UBR2: variants seen among roughly 807,000 people sequenced by gnomAD.
UBR2 encodes the protein ubiquitin protein ligase E3 component n-recognin 2, also known as E3 ubiquitin-protein ligase UBR2.
Under a neutral mutation model 247.9 loss-of-function variants are expected in UBR2, and 92 were observed. The ratio of observed to expected loss-of-function variants is 0.37; its 90% CI spans 0.31 to 0.44. The LOEUF (loss-of-function observed/expected upper bound fraction) is 0.44, where lower values mean the gene tolerates loss of function less well. Ranked by LOEUF, UBR2 falls within the 20% of genes least tolerant of loss-of-function variation. UBR2 has a pLI of 1.00. For missense variants in UBR2, 1,613 were observed against 2,112.6 expected (o/e 0.76, Z 4.64); for synonymous variants, 672 against 693.5 (o/e 0.97, Z 0.49).
At chr6:42,679,232 ACT>A (rs1230839815) in intron 41 of UBR2, among the ~76,000 whole-genome samples, 2 of 152,132 alleles carry the variant, frequency 1.3e-5, no homozygotes, top group African/African-American at 4.8e-5. Context: ...ATGCAGTGCT[ACT>A]CTCTGAAAGT....
intron 2 of UBR2, among the ~76,000 whole-genome samples, chr6:42,584,697 C>T (rs185218509): frequency 6.6e-6 from 1 of 152,166 alleles, no homozygotes; most frequent in Non-Finnish European, 1.5e-5. Flanking sequence ...TTCCTTTTAG[C>T]AAAGTCTTAT....
chr6:42,622,090 A>G (rs139323620), intron 11 of UBR2, among the ~76,000 whole-genome samples: 3,554 of 152,128 alleles, frequency 0.023, 125 homozygotes, highest in African/African-American at 0.08. Flanking sequence ...ATCTTGGCTC[A>G]CTGCAACCTC....
intron 1 of UBR2, among the ~76,000 whole-genome samples, chr6:42,569,404 G>T (rs1377083550): frequency 6.6e-6 from 1 of 152,102 alleles, no homozygotes; most frequent in Non-Finnish European, 1.5e-5. Context: ...TTTCCCTCAT[G>T]AGTCATGTTG....
At chr6:42,619,034 T>C (rs1794731111) in intron 11 of UBR2, among the ~76,000 whole-genome samples, 2 of 152,300 alleles carry the variant, frequency 1.3e-5, no homozygotes, top group Admixed American at 6.5e-5. Context: ...TGTGTATTCA[T>C]ATCTGTGCTT....
chr6:42,571,883 T>C (rs1288500065), intron 1 of UBR2, among the ~76,000 whole-genome samples: 1 of 152,058 alleles, frequency 6.6e-6, no homozygotes. Flanking sequence ...GATTCTAGTA[T>C]GCTTGTTGAG....
intron 21 of UBR2, among the ~76,000 whole-genome samples, chr6:42,646,709 G>A (rs1796773340): frequency 1.3e-5 from 2 of 152,056 alleles, no homozygotes; most frequent in South Asian, 4.2e-4. Flanking sequence ...TGTCAGTAGT[G>A]CTGAGGTTGA....
chr6:42,599,352 A>G (rs1317494613), intron 4 of UBR2, among the ~76,000 whole-genome samples: 1 of 152,148 alleles, frequency 6.6e-6, no homozygotes, highest in African/African-American at 2.4e-5. Context: ...GATCACTTTG[A>G]GCCCAGGAGT....
At chr6:42,660,967 GT>G (rs1479498572) in intron 30 of UBR2, among the ~76,000 whole-genome samples, 1 of 143,642 alleles carries the variant, frequency 7.0e-6, no homozygotes, top group African/African-American at 2.6e-5. Flanking sequence ...ACCCTGTGTG[GT>G]TTTTTTGTTT....
At chr6:42,636,185 T>G (rs1201152287) in intron 14 of UBR2, among the ~76,000 whole-genome samples, 1 of 147,008 alleles carries the variant, frequency 6.8e-6, no homozygotes, top group South Asian at 2.2e-4. Flanking sequence ...TTTTTTTGTT[T>G]TTTTTTTTTT....
In UBR2 at chr6:42,642,403, C is replaced by CTT. The variant is rs749345194; in HGVS notation, c.2032-4_2032-3dup. 5.9e-6 allele frequency: 8 copies of CTT among 1,365,572 alleles called. No homozygotes were observed. Among genetic ancestry groups the CTT allele is most frequent in the South Asian group, 3.9e-5 (3 of 77,032 alleles). The allele number at this position is 1,365,572 out of a possible 1,614,324, so 84.6% of individuals were successfully genotyped here. On this transcript the variant is annotated splice_polypyrimidine_tract_variant and intron_variant, in intron 17 of 46. Transcript: ENST00000372901. ...AAAAACTATTTACTCAATATAATTA[C>CTT]TTTTTTTTTTAGATTTATTACTACC...
At chr6:42,614,992 C>T in intron 8 of UBR2, 79 bp from the exon 9 acceptor site, 4 of 1,162,856 alleles carry the variant, frequency 3.4e-6, no homozygotes, top group Non-Finnish European at 4.9e-6. Flanking sequence ...CTCTACAGAT[C>T]CATTTGAACA....
At chr6:42,609,034 A>G (rs1472169303) in intron 7 of UBR2, among the ~76,000 whole-genome samples, 1 of 152,246 alleles carries the variant, frequency 6.6e-6, no homozygotes, top group Non-Finnish European at 1.5e-5. Context: ...GAAAATGGAC[A>G]AAGGATATGA....
At chr6:42,569,239 A>AT (rs2151898553) in intron 1 of UBR2, among the ~76,000 whole-genome samples, 1 of 152,220 alleles carries the variant, frequency 6.6e-6, no homozygotes, top group East Asian at 1.9e-4. Flanking sequence ...GAACTGCCAG[A>AT]TTTTTCCAAA....
Position 42,665,357 on chromosome 6 carries a change from T to C in UBR2, c.3699-52T>C. ...CTGTGATCATTTAAGGAGTCTTTTGTATCTTAAGGAACAATAATAAAACAC... is the reference window on the plus strand; with the variant it reads ...CTGTGATCATTTAAGGAGTCTTTTGCATCTTAAGGAACAATAATAAAACAC... On this transcript the variant is annotated intron_variant, in intron 32 of 46. Coordinates refer to ENST00000372901, the MANE Select transcript of UBR2 (RefSeq NM_001363705.2). 1.5e-6 allele frequency: 2 copies of C among 1,360,730 alleles called. 1 individual carries two copies. The highest frequency in any genetic ancestry group is 2.6e-5 in the South Asian group (2 of 75,634). The allele number at this position is 1,360,730 out of a possible 1,614,324, so 84.3% of individuals were successfully genotyped here.
At chr6:42,579,846 TAC>T (rs1193010201) in intron 2 of UBR2, among the ~76,000 whole-genome samples, 1 of 152,238 alleles carries the variant, frequency 6.6e-6, no homozygotes, top group Non-Finnish European at 1.5e-5. Flanking sequence ...CTGTGTATAT[TAC>T]ACACATATGA....
chr6:42,631,935 T>G (rs7773898), intron 11 of UBR2, among the ~76,000 whole-genome samples: 34,530 of 139,354 alleles, frequency 0.25, 4,713 homozygotes, highest in East Asian at 0.47. Context: ...CACATACATA[T>G]ACCATCTCTG....
At chr6:42,671,249 T>C (rs1229467018) in intron 36 of UBR2, among the ~76,000 whole-genome samples, 1 of 151,770 alleles carries the variant, frequency 6.6e-6, no homozygotes, top group African/African-American at 2.4e-5. Context: ...CTACACAAAT[T>C]TTAAAATTGG....
chr6:42,643,457 A>G (rs1796561415), intron 18 of UBR2, among the ~76,000 whole-genome samples: 1 of 152,018 alleles, frequency 6.6e-6, no homozygotes, highest in East Asian at 1.9e-4. Context: ...TTAGCCTGGC[A>G]TGGTGTCATG....
Position 42,614,215 on chromosome 6 carries a change from TATAC to T in UBR2, c.986-854_986-851del, listed in dbSNP as rs1323040515. On this transcript the variant is annotated intron_variant, in intron 8 of 46. Coordinates refer to ENST00000372901, the MANE Select transcript of UBR2 (RefSeq NM_001363705.2). The stretch of plus-strand genomic sequence containing the variant: ...AAAAAAAAAAAAAAAACTATATATA[TATAC>T]ACACACACACACACACACACACACA... Among the ~76,000 whole-genome samples, 28 of 50,060 alleles carry T rather than the reference TATAC, an allele frequency of 5.6e-4. 1 individual carries two copies. The highest frequency in any genetic ancestry group is 7.4e-4 in the Non-Finnish European group (17 of 22,954). 32.8% of individuals were successfully genotyped at this position (50,060 alleles called of 152,430 possible). A position where few individuals can be genotyped will look rare whatever the true frequency, so the allele number is the denominator to read the frequency against.
Sources: gnomAD v4.1 joint callset for allele counts (sites outside exome capture counted in the v4.1 genomes callset) on GRCh38, gnomAD v4.1.1 for gene constraint, MANE v1.5 for transcripts, NCBI Gene and HGNC (gene_info 2026-07-23, HGNC 2026-07-21) for gene names.